Variants in KIF5B observed in about 807,000 individuals in gnomAD.
KIF5B encodes the protein kinesin family member 5B, also known as kinesin-1 heavy chain.
KIF5B carries 49 observed loss-of-function variants against 132.8 expected under a neutral mutation model. The ratio of observed to expected loss-of-function variants is 0.37; its 90% CI spans 0.29 to 0.47. The LOEUF (loss-of-function observed/expected upper bound fraction) is 0.47. Among genes scored for constraint, KIF5B ranks in the 20% least tolerant of loss-of-function variants. The probability of loss-of-function intolerance (pLI) is 1.00; values close to 1 mark genes in which losing one functional copy is unlikely to be tolerated. For missense variants in KIF5B, 780 were observed against 1,144.0 expected, an observed-to-expected ratio of 0.68 and a Z score of 4.59; for synonymous variants, 355 against 369.4, an observed-to-expected ratio of 0.96 and a Z score of 0.45.
chr10:32,021,436 T>C (rs1350784837), intron 17 of KIF5B, 149 bp from the exon 18 acceptor site: 1 of 636,364 alleles, frequency 1.6e-6, no homozygotes, highest in Non-Finnish European at 2.8e-6. Context: ...CCAAGTTCAA[T>C]GACATGTAGA....
chr10:32,056,132 G>A lies in KIF5B; in HGVS notation c.-159C>T. ...CCCGGGTGGAGGCGGCCGGGGAGCC[G>A]GGACTTGAAGAGCCGGCGCCGGCAG... On this transcript the variant is annotated 5_prime_UTR_variant, in exon 1 of 26. Coordinates refer to ENST00000302418, the MANE Select transcript of KIF5B (RefSeq NM_004521.3). 2.5e-6 allele frequency: 2 copies of A among 793,948 alleles called. No homozygotes were observed. 49.2% of individuals were successfully genotyped at this position (793,948 alleles called of 1,614,324 possible).
rs2132587497 is a variant in KIF5B, at chr10:32,022,852, G to C, written c.1910C>G (p.Ser637Cys). 6.2e-7 allele frequency: 1 copy of C among 1,601,988 alleles called. No homozygotes were observed. The highest frequency in any genetic ancestry group is 8.5e-7 in the Non-Finnish European group (1 of 1,171,856). The stretch of plus-strand genomic sequence containing the variant: ...AAACTTTGTTCTATAACATACTTGA[G>C]AGATACGAAGCTGACATGCTGCTAA... ...KELAACQLRI[S>C]QHEAKIKSLT... The change falls in exon 16 of 26, where the codon TCT becomes TGT. Residue 637 changes from serine to cysteine, a missense_variant. Physicochemically the swap from Ser to Cys is moderately radical, Grantham distance 112. Around this residue, in one of 9 missense-constraint regions of KIF5B, gnomAD observed 471 missense variants for 569.9 expected, o/e 0.83. Transcript: ENST00000302418.
chr10:32,055,790 T>A, intron 1 of KIF5B, 58 bp downstream of exon 1: 1 of 1,594,156 alleles, frequency 6.3e-7, no homozygotes, highest in Non-Finnish European at 8.5e-7. Flanking sequence ...TTCCCTAAAC[T>A]CCCCGCACAG....
At chr10:32,047,139 C>T (rs1358242849) in intron 2 of KIF5B, among the ~76,000 whole-genome samples, 1 of 152,144 alleles carries the variant, frequency 6.6e-6, no homozygotes, top group African/African-American at 2.4e-5. Flanking sequence ...TTTGCACCAT[C>T]GTAAAGTCGA....
In KIF5B at chr10:32,011,415, T is replaced by C. The variant is rs899552847; in HGVS notation, c.*122A>G. On this transcript the variant is annotated 3_prime_UTR_variant, in exon 26 of 26. Transcript: ENST00000302418. Reference sequence around the variant, plus strand: ...GGCCAGGTATAATTTATACATTTTTTTTAAAAGTTATAATTCTACAATCCC... The same window carrying C: ...GGCCAGGTATAATTTATACATTTTTCTTAAAAGTTATAATTCTACAATCCC... 3 of 152,620 alleles carry C rather than the reference T, an allele frequency of 2.0e-5. No individual in the cohort carries two copies. The highest frequency in any genetic ancestry group is 7.2e-5 in the African/African-American group (3 of 41,454). The allele number at this position is 152,620 out of a possible 1,614,324, so 9.5% of individuals were successfully genotyped here.
intron 2 of KIF5B, among the ~76,000 whole-genome samples, chr10:32,047,928 T>C (rs1052352736): frequency 2.6e-5 from 4 of 152,240 alleles, no homozygotes; most frequent in African/African-American, 9.6e-5. Context: ...AGCTTTAAAA[T>C]TCAATGGTTT....
chr10:32,021,361 G>A lies in KIF5B; in HGVS notation c.2033-74C>T. On this transcript the variant is annotated intron_variant, in intron 17 of 25. Transcript: ENST00000302418. ...CCTCATATAAACCAAGGAGCAAATG[G>A]ATTTTACAATAAGCATTTTCCTTAG... 3.8e-6 allele frequency: 4 copies of A among 1,040,708 alleles called. No homozygotes were observed. The South Asian group carries it at 4.1e-5, about 11-fold the overall frequency. 64.5% of individuals were successfully genotyped at this position (1,040,708 alleles called of 1,614,324 possible). A position where few individuals can be genotyped will look rare whatever the true frequency, so the allele number is the denominator to read the frequency against.
rs746432181 is a variant in KIF5B, at chr10:32,010,524, C to A, written c.*1013G>T. ...TATTTTTAATTCATCATATATCTGT[C>A]CTGTTTCTTCATTTTTCTCAATTTC... On this transcript the variant is annotated 3_prime_UTR_variant, in exon 26 of 26. Transcript: ENST00000302418. The A allele has an allele frequency of 6.6e-6, 1 of 152,112 alleles. No homozygotes were observed. The highest frequency in any genetic ancestry group is 1.5e-5 in the Non-Finnish European group (1 of 67,994). 9.4% of individuals were successfully genotyped at this position (152,112 alleles called of 1,614,324 possible). A position where few individuals can be genotyped will look rare whatever the true frequency, so the allele number is the denominator to read the frequency against.
intron 15 of KIF5B, among the ~76,000 whole-genome samples, chr10:32,026,927 G>C (rs1271945372): frequency 6.6e-6 from 1 of 152,152 alleles, no homozygotes; most frequent in East Asian, 1.9e-4. Flanking sequence ...TGAGTCCACT[G>C]AAGAAATAAC....
chr10:32,051,580 AAC>A (rs1841695452), intron 1 of KIF5B, among the ~76,000 whole-genome samples: 1 of 152,230 alleles, frequency 6.6e-6, no homozygotes, highest in South Asian at 2.1e-4. Context: ...ATTAAAAGGT[AAC>A]ACACAAACAT....
intron 15 of KIF5B, among the ~76,000 whole-genome samples, chr10:32,027,117 A>G (rs924305827): frequency 3.3e-5 from 5 of 152,232 alleles, no homozygotes; most frequent in Non-Finnish European, 7.3e-5. Context: ...GGAAATGTGT[A>G]CTCCATATTG....
chr10:32,028,187 G>A (rs1170450316), intron 15 of KIF5B, among the ~76,000 whole-genome samples: 1 of 151,932 alleles, frequency 6.6e-6, no homozygotes, highest in Non-Finnish European at 1.5e-5. Flanking sequence ...TGGGGAAAAT[G>A]TTATAGTAAA....
rs1428925585 is a variant in KIF5B at position 32,022,942 on chromosome 10, C to G, written c.1820G>C (p.Arg607Pro). 1 of 1,613,308 alleles carries G rather than the reference C, an allele frequency of 6.2e-7. No homozygotes were observed. The highest frequency in any genetic ancestry group is 8.5e-7 in the Non-Finnish European group (1 of 1,179,466). Residue 607 changes from arginine (R) to proline (P), a missense_variant, in exon 16 of 26, where the codon CGT becomes CCT. Arg to Pro is a moderately radical substitution (Grantham distance 103). This residue lies in a region of KIF5B where 471 missense variants were observed against 569.9 expected (regional missense o/e 0.83). Transcript: ENST00000302418. ...TTGTGTGCTTTCTAACTGCTTGCAA[C>G]GTTTCACCATGGTTTTTACTTCTGA... ...MKSEVKTMVK[R>P]CKQLESTQTE...
chr10:32,044,493 G>C (rs1166314219), intron 2 of KIF5B, among the ~76,000 whole-genome samples: 1 of 152,194 alleles, frequency 6.6e-6, no homozygotes, highest in Non-Finnish European at 1.5e-5. Context: ...CCAACATGGA[G>C]GAACCCTGTC....
intron 8 of KIF5B, among the ~76,000 whole-genome samples, chr10:32,036,597 A>G (rs555489347): frequency 8.9e-4 from 136 of 152,296 alleles, no homozygotes; most frequent in African/African-American, 3.2e-3. Flanking sequence ...TATCTATGTT[A>G]AAGATAGGTC....
In KIF5B at chr10:32,011,259, A is replaced by G. The variant is rs773121256; in HGVS notation, c.*278T>C. ...AAAGACTAAATTTAAGACACGATAG[A>G]CAAACTGTGTAATAAATAGGGCCAC... On this transcript the variant is annotated 3_prime_UTR_variant, in exon 26 of 26. Coordinates refer to ENST00000302418, the MANE Select transcript of KIF5B (RefSeq NM_004521.3). The G allele has an allele frequency of 1.3e-5, 2 of 152,642 alleles. No homozygotes were observed. Among genetic ancestry groups the G allele is most frequent in the Non-Finnish European group, 2.9e-5 (2 of 68,024 alleles). The allele number at this position is 152,642 out of a possible 1,614,324, so 9.5% of individuals were successfully genotyped here.
intron 2 of KIF5B, among the ~76,000 whole-genome samples, chr10:32,043,267 T>C (rs942904805): frequency 2.0e-5 from 3 of 152,182 alleles, no homozygotes; most frequent in Non-Finnish European, 4.4e-5. Flanking sequence ...CCTCCCAAAA[T>C]GCTAGGATTA....
chr10:32,040,549 A>G (rs997390121), intron 2 of KIF5B, 92 bp from the exon 3 acceptor site: 2 of 724,864 alleles, frequency 2.8e-6, no homozygotes, highest in African/African-American at 1.8e-5. Flanking sequence ...GGGTAGAGAA[A>G]AGGTTAAAAA....
intron 16 of KIF5B, 89 bp downstream of exon 16, chr10:32,022,759 G>A (rs2132587196): frequency 1.1e-6 from 1 of 925,716 alleles, no homozygotes; most frequent in Non-Finnish European, 1.6e-6. Context: ...TTCACCTATA[G>A]ACACACATTT....
Sources: allele counts gnomAD v4.1 joint callset (sites outside exome capture counted in the v4.1 genomes callset), GRCh38; gene constraint gnomAD v4.1.1; regional missense constraint gnomAD v4.1.1; transcripts MANE v1.5; gene names NCBI Gene and HGNC (gene_info 2026-07-23, HGNC 2026-07-21).